EIF2AK1: variants seen among roughly 807,000 people sequenced by gnomAD.
EIF2AK1 encodes the protein eukaryotic translation initiation factor 2-alpha kinase 1.
A neutral mutation model predicts 77.9 loss-of-function variants in EIF2AK1; 54 were observed. The ratio of observed to expected loss-of-function variants is 0.69; its 90% CI spans 0.56 to 0.87. The LOEUF is 0.87. Among genes scored for constraint, EIF2AK1 ranks in the 40% least tolerant of loss-of-function variants. The probability of loss-of-function intolerance (pLI) is 0.00; values close to 1 mark genes in which losing one functional copy is unlikely to be tolerated. For missense variants in EIF2AK1, 810 were observed against 768.6 expected (o/e 1.05, Z -0.64); for synonymous variants, 314 against 290.5 (o/e 1.08, Z -0.82).
In EIF2AK1 at chr7:6,032,104, G is replaced by A. The variant is rs895612704; in HGVS notation, c.1333-3072C>T. On this transcript the variant is annotated intron_variant, in intron 11 of 14. Coordinates refer to ENST00000199389, the MANE Select transcript of EIF2AK1 (RefSeq NM_014413.4). The surrounding 1 kb of genome is among the most constrained non-coding windows in gnomAD (Gnocchi z 4.3). ...CAGGAGAATTGCTTGAACCCAGGAG[G>A]CAGAGGTTGCAGTGAGCCAAGATCG... is the stretch of plus-strand genomic sequence containing the variant. Among the ~76,000 whole-genome samples the A allele has an allele frequency of 1.3e-5, 2 of 152,172 alleles. No homozygotes were observed. The highest frequency in any genetic ancestry group is 4.8e-5 in the African/African-American group (2 of 41,450).
chr7:6,058,540 A>G (rs1416162704), intron 1 of EIF2AK1, among the ~76,000 whole-genome samples: 1 of 152,212 alleles, frequency 6.6e-6, no homozygotes, highest in Non-Finnish European at 1.5e-5. Flanking sequence ...CAATGAAGCA[A>G]AAGACAAGAA....
Position 6,035,180 on chromosome 7 carries a change from G to C in EIF2AK1, c.1332+2244C>G, listed in dbSNP as rs1483765247. Among the ~76,000 whole-genome samples the C allele has an allele frequency of 2.0e-5, 3 of 151,072 alleles. No individual in the cohort carries two copies. The highest frequency in any genetic ancestry group is 7.4e-5 in the African/African-American group (3 of 40,660). On this transcript the variant is annotated intron_variant, in intron 11 of 14. Coordinates refer to ENST00000199389, the MANE Select transcript of EIF2AK1 (RefSeq NM_014413.4). The surrounding 1 kb of genome is among the most constrained non-coding windows in gnomAD (Gnocchi z 5.5). ...GCCTTCTTCACAACATTGTATAAAA[G>C]TGAAAATAATTTTTCAAAAAAAAAA...
chr7:6,052,171 CAA>C (rs397779941), intron 2 of EIF2AK1, among the ~76,000 whole-genome samples: 236 of 90,680 alleles, frequency 2.6e-3, no homozygotes, highest in African/African-American at 5.6e-3. Context: ...GACTCCTTAT[CAA>C]AAAAAAAAAA....
chr7:6,053,963 C>T (rs1002731892), intron 2 of EIF2AK1, among the ~76,000 whole-genome samples: 5 of 150,998 alleles, frequency 3.3e-5, no homozygotes, highest in Admixed American at 6.6e-5. Flanking sequence ...TGAGCCACTG[C>T]ACCTGGCCAT....
In EIF2AK1 at chr7:6,046,951, T is replaced by A. The variant is rs376460365; in HGVS notation, c.549+41A>T. 2.7e-6 allele frequency: 4 copies of A among 1,455,030 alleles called. No individual in the cohort carries two copies. In the Admixed American group the frequency reaches 8.7e-5, roughly 32 times the overall value. 90.1% of individuals were successfully genotyped at this position (1,455,030 alleles called of 1,614,324 possible). The stretch of plus-strand genomic sequence containing the variant: ...TGAAAACAATATCTGAAAACACAAT[T>A]ATTTAGGGTAGTAGGTCAAAACAAG... On this transcript the variant is annotated intron_variant, in intron 5 of 14. Transcript: ENST00000199389.
Position 6,033,815 on chromosome 7 carries a change from C to T in EIF2AK1, c.1332+3609G>A, listed in dbSNP as rs1787985334. Among the ~76,000 whole-genome samples, 1 of 151,476 alleles carries T rather than the reference C, an allele frequency of 6.6e-6. No homozygotes were observed. Among genetic ancestry groups the T allele is most frequent in the South Asian group, 2.1e-4 (1 of 4,794 alleles). ...CAATCTCCTGACCTCGTGATCCGTCCACCTCAGCCTCCCAAAGTGCTGGGA... is the reference window on the plus strand; with the variant it reads ...CAATCTCCTGACCTCGTGATCCGTCTACCTCAGCCTCCCAAAGTGCTGGGA... On this transcript the variant is annotated intron_variant, in intron 11 of 14. Transcript: ENST00000199389. The surrounding 1 kb of genome is among the most constrained non-coding windows in gnomAD (Gnocchi z 4.4).
chr7:6,058,121 A>G (rs1292038813), intron 1 of EIF2AK1: 1 of 455,406 alleles, frequency 2.2e-6, no homozygotes, highest in African/African-American at 2.0e-5. Context: ...CCTCAAGAAA[A>G]CTTGGGGGCT....
rs754214883 is a variant in EIF2AK1 at position 6,026,895 on chromosome 7, G to A, written c.1597C>T (p.Arg533Ter). Reference protein sequence around the residue: ...LFQPFGTEMERAEVLTGLRTG... With the variant: ...LFQPFGTEME The stretch of plus-strand genomic sequence containing the variant: ...CTTAAACCTGTTAGAACTTCTGCTC[G>A]CTCCATTTCTGTTCCAAACGGCTGA... Residue 533 changes from arginine (R) to a stop codon, truncating the protein, a stop_gained, in exon 14 of 15, where the codon CGA becomes TGA. Transcript: ENST00000199389. LOFTEE classifies it high-confidence loss of function. The A allele has an allele frequency of 4.3e-6, 7 of 1,613,916 alleles. No individual in the cohort carries two copies. Among genetic ancestry groups the A allele is most frequent in the African/African-American group, 4.0e-5 (3 of 74,856 alleles).
At position 6,035,528 on chromosome 7, in the gene EIF2AK1, A is replaced by C. The variant is rs1788052544; in HGVS notation, c.1332+1896T>G. The C allele has an allele frequency of 6.4e-7, 1 of 1,551,194 alleles. No homozygotes were observed. On this transcript the variant is annotated intron_variant, in intron 11 of 14. Transcript: ENST00000199389. This position sits in a 1 kb window ranked among gnomAD's most constrained non-coding sequence, Gnocchi z 5.5. ...CCACGTGGGCAAAACCAGGCAACAG[A>C]ACGCACAGGATCCTGACAGACATTC...
chr7:6,056,628 A>ATATATATATGTATGTATG (rs749747260), intron 1 of EIF2AK1, among the ~76,000 whole-genome samples: 1 of 75,938 alleles, frequency 1.3e-5, no homozygotes, highest in African/African-American at 5.5e-5. Flanking sequence ...ATATATATAT[A>ATATATATATGTATGTATG]TATATATAAA....
intron 11 of EIF2AK1, among the ~76,000 whole-genome samples, chr7:6,030,560 G>A (rs1787880114): frequency 6.6e-6 from 1 of 152,118 alleles, no homozygotes; most frequent in Non-Finnish European, 1.5e-5. Context: ...GTGCAGTGGT[G>A]CCATCTCGGC....
intron 1 of EIF2AK1, among the ~76,000 whole-genome samples, chr7:6,058,411 T>C (rs1788855052): frequency 6.6e-6 from 1 of 152,056 alleles, no homozygotes; most frequent in African/African-American, 2.4e-5. Flanking sequence ...AGCAAGCCTG[T>C]CTTCAAAAAA....
chr7:6,050,423 G>C (rs1239965341), intron 2 of EIF2AK1, among the ~76,000 whole-genome samples: 1 of 151,992 alleles, frequency 6.6e-6, no homozygotes, highest in East Asian at 1.9e-4. Flanking sequence ...TCGAACTCCT[G>C]GCCTCAAGTG....
At chr7:6,049,825 T>C in intron 3 of EIF2AK1, 87 bp downstream of exon 3, 4 of 1,341,354 alleles carry the variant, frequency 3.0e-6, no homozygotes, top group African/African-American at 3.0e-5. Flanking sequence ...TGTTTTATAA[T>C]CAGAATTTCA....
Position 6,035,401 on chromosome 7 carries a change from C to A in EIF2AK1, c.1332+2023G>T. The stretch of plus-strand genomic sequence containing the variant: ...ATTAACTGTCCACGTAGAGCCGTTC[C>A]CACTGTGAATTCAGTGTAACGTGTA... On this transcript the variant is annotated intron_variant, in intron 11 of 14. Coordinates refer to ENST00000199389, the MANE Select transcript of EIF2AK1 (RefSeq NM_014413.4). This position sits in a 1 kb window ranked among gnomAD's most constrained non-coding sequence, Gnocchi z 5.5. The A allele has an allele frequency of 6.6e-7, 1 of 1,509,662 alleles. No homozygotes were observed. The highest frequency in any genetic ancestry group is 1.2e-5 in the South Asian group (1 of 80,748). The allele number at this position is 1,509,662 out of a possible 1,614,324, so 93.5% of individuals were successfully genotyped here.
rs189587013 is a variant in EIF2AK1 at position 6,023,589 on chromosome 7, G to C, written c.*1084C>G. The C allele has an allele frequency of 8.7e-6, 14 of 1,614,216 alleles. No homozygotes were observed. The East Asian group carries it at 2.7e-4, about 31-fold the overall frequency. On this transcript the variant is annotated 3_prime_UTR_variant, in exon 15 of 15. Coordinates refer to ENST00000199389, the MANE Select transcript of EIF2AK1 (RefSeq NM_014413.4). The stretch of plus-strand genomic sequence containing the variant: ...TGGTGCTGTGGTCTGTACTCCAGCA[G>C]ATCGGAGGCTGCAGTGTGACAGTGC...
Position 6,046,033 on chromosome 7 carries a change from C to T in EIF2AK1, c.630+38G>A, listed in dbSNP as rs1281880029. ...TAACTCTTTCAAAAAGAACTAAATA[C>T]ACAATTATTCAAAATAAGTAATTTT... On this transcript the variant is annotated intron_variant, in intron 6 of 14. Transcript: ENST00000199389. 2.3e-6 allele frequency: 3 copies of T among 1,331,516 alleles called. No individual in the cohort carries two copies. The East Asian group carries it at 7.3e-5, about 33-fold the overall frequency. The allele number at this position is 1,331,516 out of a possible 1,614,324, so 82.5% of individuals were successfully genotyped here. A position where few individuals can be genotyped will look rare whatever the true frequency, so the allele number is the denominator to read the frequency against.
chr7:6,047,069 C>A lies in EIF2AK1; in HGVS notation c.472G>T (p.Ala158Ser), dbSNP rs750668523. 6.2e-7 allele frequency: 1 copy of A among 1,613,234 alleles called. No homozygotes were observed. Among genetic ancestry groups the A allele is most frequent in the Non-Finnish European group, 8.5e-7 (1 of 1,179,790 alleles). ...KIRSREVALE[A>S]QTSRYLNEFE... ...TCATTTAAGTAACGTGAAGTTTGTGCTTCCAAGGCTACTTCCCTTGATCTG... is the reference window on the plus strand; with the variant it reads ...TCATTTAAGTAACGTGAAGTTTGTGATTCCAAGGCTACTTCCCTTGATCTG... Residue 158 changes from alanine to serine, a missense_variant, in exon 5 of 15, where the codon GCA (alanine) becomes TCA (serine). By Grantham distance (99) the Ala-to-Ser change is moderately conservative. Around this residue, in one of 3 missense-constraint regions of EIF2AK1, gnomAD observed 15 missense variants for 35.9 expected, o/e 0.42. Transcript: ENST00000199389.
At chr7:6,038,788 C>T in intron 9 of EIF2AK1, 117 bp from the exon 10 acceptor site, 1 of 770,208 alleles carries the variant, frequency 1.3e-6, no homozygotes, top group Non-Finnish European at 2.0e-6. Flanking sequence ...CTAGGGAAGT[C>T]ATTAAACCTG....
Sources: gnomAD v4.1 joint callset for allele counts (sites outside exome capture counted in the v4.1 genomes callset) on GRCh38, gnomAD v4.1.1 for gene constraint, gnomAD v4.1.1 regional missense constraint, Gnocchi (gnomAD v3.1) non-coding constraint, MANE v1.5 for transcripts, NCBI Gene and HGNC (gene_info 2026-07-23, HGNC 2026-07-21) for gene names.